Variants in SLC24A2 observed in about 807,000 individuals in gnomAD.
SLC24A2 encodes sodium/potassium/calcium exchanger 2.
SLC24A2 carries 36 observed loss-of-function variants against 62.0 expected under a neutral mutation model. That is an observed-to-expected ratio of 0.58 (90% confidence interval 0.44 to 0.77). The LOEUF is 0.77. Ranked by LOEUF, SLC24A2 falls within the 30% of genes least tolerant of loss-of-function variation. The pLI is 0.00. For synonymous variants in SLC24A2, 358 were observed against 294.0 expected (o/e 1.22, Z -2.23); for missense variants, 846 against 817.9 (o/e 1.03, Z -0.42).
chr9:20,213,660 C>T, the SLC24A2 span, among the ~76,000 whole-genome samples: 2 of 151,998 alleles, frequency 1.3e-5, no homozygotes, highest in Non-Finnish European at 2.9e-5. Flanking sequence ...ATACTCTGTA[C>T]AATTTTGTGT....
the SLC24A2 span, among the ~76,000 whole-genome samples, chr9:20,094,281 C>G: frequency 1.3e-5 from 2 of 152,144 alleles, no homozygotes; most frequent in Admixed American, 6.5e-5. Context: ...AAAGTAACCA[C>G]ATTTTTCTGG....
At chr9:20,009,383 C>CAAA in the SLC24A2 span, among the ~76,000 whole-genome samples, 352 of 112,176 alleles carry the variant, frequency 3.1e-3, 7 homozygotes, top group South Asian at 0.064. Flanking sequence ...AACTCTGTCT[C>CAAA]AAAAAAAAAA....
At chr9:19,824,849 G>A in the SLC24A2 span, among the ~76,000 whole-genome samples, 35 of 152,248 alleles carry the variant, frequency 2.3e-4, no homozygotes, top group African/African-American at 6.5e-4. Context: ...CATAAAAAAA[G>A]ATGAGTTCAT....
At chr9:19,868,218 T>G in the SLC24A2 span, among the ~76,000 whole-genome samples, 1 of 152,160 alleles carries the variant, frequency 6.6e-6, no homozygotes, top group East Asian at 1.9e-4. Flanking sequence ...TTTCATTAAT[T>G]CAATGTATTT....
At chr9:19,693,167 T>C (rs1820090872) in intron 2 of SLC24A2, among the ~76,000 whole-genome samples, 1 of 152,172 alleles carries the variant, frequency 6.6e-6, no homozygotes, top group Admixed American at 6.6e-5. Context: ...GTTACATATG[T>C]ATACATGTGC....
intron 2 of SLC24A2, among the ~76,000 whole-genome samples, chr9:19,768,170 G>C (rs1221038326): frequency 6.6e-6 from 1 of 152,192 alleles, no homozygotes; most frequent in Non-Finnish European, 1.5e-5. Context: ...TGGGAATTAA[G>C]TTTCAACATG....
At chr9:19,793,564 TTACACAC>T (rs1823344643), upstream of SLC24A2, among the ~76,000 whole-genome samples, 1 of 152,238 alleles carries the variant, frequency 6.6e-6, no homozygotes, top group African/African-American at 2.4e-5. Context: ...AACTGATATG[TTACACAC>T]CTACCATGAA....
At chr9:20,049,335 C>T in the SLC24A2 span, among the ~76,000 whole-genome samples, 5 of 152,098 alleles carry the variant, frequency 3.3e-5, no homozygotes, top group African/African-American at 4.8e-5. Context: ...ACTGAGTGAG[C>T]GCATTAAGTT....
At chr9:20,096,085 ATCCG>A in the SLC24A2 span, among the ~76,000 whole-genome samples, 8,041 of 140,358 alleles carry the variant, frequency 0.057, 340 homozygotes, top group African/African-American at 0.14. Context: ...CCATCCATCC[ATCCG>A]TCCGTCCGTC....
At chr9:19,727,207 A>C (rs1821197295) in intron 2 of SLC24A2, among the ~76,000 whole-genome samples, 1 of 152,224 alleles carries the variant, frequency 6.6e-6, no homozygotes, top group Non-Finnish European at 1.5e-5. Flanking sequence ...GTTTAAGTTG[A>C]CATACATATT....
At chr9:20,014,031 G>A in the SLC24A2 span, among the ~76,000 whole-genome samples, 1 of 152,118 alleles carries the variant, frequency 6.6e-6, no homozygotes, top group Non-Finnish European at 1.5e-5. Context: ...AACAAAGTGA[G>A]ACTCTGTCTC....
chr9:19,878,962 A>C, the SLC24A2 span, among the ~76,000 whole-genome samples: 3 of 152,328 alleles, frequency 2.0e-5, no homozygotes, highest in Non-Finnish European at 4.4e-5. Context: ...ACAACACTCC[A>C]TAATTCAAAA....
Position 19,566,348 on chromosome 9 carries a change from G to A in SLC24A2, c.1347+7003C>T, listed in dbSNP as rs1225692890. Among the ~76,000 whole-genome samples the A allele has an allele frequency of 3.4e-5, 5 of 149,082 alleles. No homozygotes were observed. The East Asian group carries it at 7.9e-4, about 24-fold the overall frequency. Reference sequence around the variant, plus strand: ...AAAGAAGACATTTATGCAGCCAAAAGACACATGAAAAAATGCTCATCATCA... The same window carrying A: ...AAAGAAGACATTTATGCAGCCAAAAAACACATGAAAAAATGCTCATCATCA... On this transcript the variant is annotated intron_variant, in intron 7 of 10. Coordinates refer to ENST00000341998, the MANE Select transcript of SLC24A2 (RefSeq NM_020344.4).
At chr9:19,558,228 G>C (rs923339935) in intron 7 of SLC24A2, among the ~76,000 whole-genome samples, 3 of 152,190 alleles carry the variant, frequency 2.0e-5, no homozygotes, top group African/African-American at 7.2e-5. Flanking sequence ...GGTGTGTGGA[G>C]AGTAGGGGCC....
intron 2 of SLC24A2, among the ~76,000 whole-genome samples, chr9:19,645,998 G>C (rs1022457918): frequency 1.1e-4 from 16 of 152,282 alleles, no homozygotes; most frequent in African/African-American, 1.4e-4. Flanking sequence ...TCTGGCTACA[G>C]CTTCTCCACT....
intron 7 of SLC24A2, among the ~76,000 whole-genome samples, chr9:19,552,886 A>G (rs1308079755): frequency 6.6e-6 from 1 of 152,230 alleles, no homozygotes; most frequent in African/African-American, 2.4e-5. Flanking sequence ...CTCTAAACAC[A>G]CTACTGTCCA....
At chr9:19,792,561 T>A (rs898239100), upstream of SLC24A2, among the ~76,000 whole-genome samples, 19 of 114,330 alleles carry the variant, frequency 1.7e-4, no homozygotes, top group East Asian at 5.2e-4. Context: ...AAAAAAAAAA[T>A]GCTGGGTGTG....
chr9:19,804,152 A>G, the SLC24A2 span, among the ~76,000 whole-genome samples: 4 of 152,174 alleles, frequency 2.6e-5, no homozygotes, highest in Non-Finnish European at 5.9e-5. Context: ...TAAAGTGGAT[A>G]GCCTGTGAGA....
At chr9:20,083,513 A>G in the SLC24A2 span, among the ~76,000 whole-genome samples, 1 of 152,226 alleles carries the variant, frequency 6.6e-6, no homozygotes. Flanking sequence ...GATCCCAACA[A>G]TGTGGCCTCA....
Sources: allele counts gnomAD v4.1 joint callset (sites outside exome capture counted in the v4.1 genomes callset), GRCh38; gene constraint gnomAD v4.1.1; transcripts MANE v1.5; gene names NCBI Gene and HGNC (gene_info 2026-07-23, HGNC 2026-07-21).